Variants in SLC16A3 observed in about 807,000 individuals in gnomAD.
SLC16A3 encodes the protein monocarboxylate transporter 4.
A neutral mutation model predicts 25.0 loss-of-function variants in SLC16A3; 22 were observed. That is an observed-to-expected ratio of 0.88 (90% CI 0.63 to 1.26). The LOEUF (loss-of-function observed/expected upper bound fraction) is 1.26, where lower values mean the gene tolerates loss of function less well. Among genes scored for constraint, SLC16A3 ranks in the 50% most tolerant of loss-of-function variants. SLC16A3 has a pLI of 0.00. For synonymous variants in SLC16A3, 390 were observed against 309.2 expected (o/e 1.26, Z -2.74); for missense variants, 731 against 666.6 (o/e 1.10, Z -1.06).
At chr17:82,227,502 A>G (rs2050430818), upstream of SLC16A3, among the ~76,000 whole-genome samples, 1 of 152,038 alleles carries the variant, frequency 6.6e-6, no homozygotes, top group Non-Finnish European at 1.5e-5. Context: ...GCAGCTGTCC[A>G]CGGTGCCTCG....
rs146346505 is a variant in SLC16A3, at chr17:82,236,132, G to A, written c.124G>A (p.Val42Ile). ...TGFSYAFPKA[V>I]SVFFKELIQE... ...CTTCTCCTACGCCTTCCCCAAGGCCGTCAGTGTCTTCTTCAAGGAGCTCAT... is the reference window on the plus strand; with the variant it reads ...CTTCTCCTACGCCTTCCCCAAGGCCATCAGTGTCTTCTTCAAGGAGCTCAT... Residue 42 changes from valine (V) to isoleucine (I), a missense_variant, in exon 2 of 5, where the codon GTC becomes ATC. By Grantham distance (29) the Val-to-Ile change is conservative (BLOSUM62 3). Transcript: ENST00000582743. 5.0e-4 allele frequency: 806 copies of A among 1,613,258 alleles called. 2 individuals are homozygous for A. The African/African-American group carries it at 9.3e-3, about 19-fold the overall frequency.
intron 2 of SLC16A3, 27 bp downstream of exon 2, chr17:82,236,258 CT>C: frequency 6.3e-7 from 1 of 1,595,844 alleles, no homozygotes; most frequent in Non-Finnish European, 8.6e-7. Context: ...ACCGGGCCCC[CT>C]GTCCGGGGCT....
At position 82,237,791 on chromosome 17, in the gene SLC16A3, G is replaced by A. The variant is rs969138442; in HGVS notation, c.1021G>A (p.Glu341Lys). Reference protein sequence around the residue: ...SYGMVGALQFEVLMAIVGTHK... With the variant: ...SYGMVGALQFKVLMAIVGTHK... ...CGGCATGGTGGGGGCCCTGCAGTTCGAGGTGCTCATGGCCATCGTGGGCAC... is the reference window on the plus strand; with the variant it reads ...CGGCATGGTGGGGGCCCTGCAGTTCAAGGTGCTCATGGCCATCGTGGGCAC... Residue 341 changes from glutamate to lysine, a missense_variant, in exon 4 of 5, where the codon GAG (glutamate) becomes AAG (lysine). Physicochemically the swap from Glu to Lys is moderately conservative, Grantham distance 56 (BLOSUM62 1). Coordinates refer to ENST00000582743, the MANE Select transcript of SLC16A3 (RefSeq NM_004207.4). The A allele has an allele frequency of 6.8e-6, 11 of 1,611,256 alleles. No individual in the cohort carries two copies. The highest frequency in any genetic ancestry group is 2.7e-5 in the African/African-American group (2 of 74,924).
In SLC16A3 at chr17:82,239,022, G is replaced by A. The variant is rs376313745; in HGVS notation, c.*46G>A. The stretch of plus-strand genomic sequence containing the variant: ...GGCACAGGGAGGAGGTACAGAAGCC[G>A]GCAACGCTTGCTATTTATTTTACAA... On this transcript the variant is annotated 3_prime_UTR_variant, in exon 5 of 5. Transcript: ENST00000582743. 2.4e-5 allele frequency: 36 copies of A among 1,477,354 alleles called. No homozygotes were observed. The highest frequency in any genetic ancestry group is 1.4e-4 in the East Asian group (6 of 42,380). 91.5% of individuals were successfully genotyped at this position (1,477,354 alleles called of 1,614,324 possible). A position where few individuals can be genotyped will look rare whatever the true frequency, so the allele number is the denominator to read the frequency against.
chr17:82,237,207 C>G lies in SLC16A3; in HGVS notation c.437C>G (p.Pro146Arg). The change falls in exon 4 of 5, where the codon CCC becomes CGC. Residue 146 changes from proline (P) to arginine (R), a missense_variant. Transcript: ENST00000582743. ...MLNRYFSKRRPMANGLAAAGS... is the reference protein window; with the variant it reads ...MLNRYFSKRRRMANGLAAAGS... Reference sequence around the variant, plus strand: ...AACCGCTACTTCAGCAAGCGGCGCCCCATGGCCAACGGGCTGGCGGCAGCA... The same window carrying G: ...AACCGCTACTTCAGCAAGCGGCGCCGCATGGCCAACGGGCTGGCGGCAGCA... The G allele has an allele frequency of 1.3e-6, 2 of 1,539,054 alleles. No homozygotes were observed. Among genetic ancestry groups the G allele is most frequent in the Non-Finnish European group, 1.8e-6 (2 of 1,142,778 alleles).
chr17:82,235,245 A>C (rs1269278468), intron 1 of SLC16A3: 1 of 149,132 alleles, frequency 6.7e-6, no homozygotes, highest in Non-Finnish European at 1.5e-5. Flanking sequence ...TCAAGATCTC[A>C]CTGGAGGAGT....
Position 82,237,353 on chromosome 17 carries a change from G to A in SLC16A3, c.583G>A (p.Ala195Thr), listed in dbSNP as rs530738373. 21 of 1,538,366 alleles carry A rather than the reference G, an allele frequency of 1.4e-5. No individual in the cohort carries two copies. The highest frequency in any genetic ancestry group is 1.8e-4 in the Middle Eastern group (1 of 5,650). ...GLLLNCCVCA[A>T]LMRPLVVTAQ... Reference sequence around the variant, plus strand: ...GCTGCTCAACTGCTGCGTGTGTGCCGCACTCATGAGGCCCCTGGTGGTCAC... The same window carrying A: ...GCTGCTCAACTGCTGCGTGTGTGCCACACTCATGAGGCCCCTGGTGGTCAC... Residue 195 changes from alanine to threonine, a missense_variant, in exon 4 of 5, where the codon GCA becomes ACA. Coordinates refer to ENST00000582743, the MANE Select transcript of SLC16A3 (RefSeq NM_004207.4).
chr17:82,220,522 G>A (rs1196000350), intron 1 of SLC16A3, among the ~76,000 whole-genome samples: 1 of 152,196 alleles, frequency 6.6e-6, no homozygotes, highest in East Asian at 1.9e-4. Flanking sequence ...TGCAATCCCA[G>A]CACTTTGGGA....
At chr17:82,222,103 G>A (rs868568788) in intron 1 of SLC16A3, among the ~76,000 whole-genome samples, 2 of 148,538 alleles carry the variant, frequency 1.3e-5, no homozygotes, top group African/African-American at 5.0e-5. Flanking sequence ...TCCCACGTTC[G>A]TGGAGAGGAG....
chr17:82,237,011 C>T (rs1432797017), intron 3 of SLC16A3, 127 bp from the exon 4 acceptor site: 17 of 1,453,388 alleles, frequency 1.2e-5, no homozygotes, highest in East Asian at 4.9e-5. Context: ...GTCCCCCTCT[C>T]GAGTGGGTGG....
chr17:82,237,170 C>A lies in SLC16A3; in HGVS notation c.400C>A (p.Leu134Ile). Residue 134 changes from leucine (L) to isoleucine (I), a missense_variant, in exon 4 of 5, where the codon CTC becomes ATC. Coordinates refer to ENST00000582743, the MANE Select transcript of SLC16A3 (RefSeq NM_004207.4). ...LGLALNFQPS[L>I]IMLNRYFSKR... is the part of the protein sequence containing the mutation. ...TTTGGCACTCAACTTCCAGCCCTCG[C>A]TCATCATGCTGAACCGCTACTTCAG... 6.6e-7 allele frequency: 1 copy of A among 1,514,618 alleles called. No homozygotes were observed. The highest frequency in any genetic ancestry group is 2.4e-5 in the East Asian group (1 of 42,068). The allele number at this position is 1,514,618 out of a possible 1,614,324, so 93.8% of individuals were successfully genotyped here.
At chr17:82,229,032 G>A (rs1276536285), upstream of SLC16A3, 1 of 138,490 alleles carries the variant, frequency 7.2e-6, no homozygotes, top group Non-Finnish European at 1.5e-5. Context: ...CCCCCGGCGC[G>A]GAGCGGACCG....
intron 1 of SLC16A3, 160 bp downstream of exon 1, chr17:82,229,266 G>A (rs1023759538): frequency 1.3e-5 from 2 of 152,106 alleles, no homozygotes; most frequent in Non-Finnish European, 2.9e-5. Context: ...TCTCGACCCC[G>A]AGCGGGCCCC....
intron 1 of SLC16A3, 183 bp downstream of exon 1, chr17:82,229,289 C>T (rs1174773717): frequency 1.3e-5 from 2 of 152,096 alleles, no homozygotes; most frequent in Admixed American, 6.5e-5. Context: ...CGAGGGCTCC[C>T]GAGAGCCAGC....
rs1480281844 is a variant in SLC16A3, at chr17:82,237,132, C to T, written c.368-6C>T. The T allele has an allele frequency of 1.1e-5, 16 of 1,499,756 alleles. No individual in the cohort carries two copies. The highest frequency in any genetic ancestry group is 1.4e-5 in the Non-Finnish European group (16 of 1,122,630). 92.9% of individuals were successfully genotyped at this position (1,499,756 alleles called of 1,614,324 possible). A position where few individuals can be genotyped will look rare whatever the true frequency, so the allele number is the denominator to read the frequency against. On this transcript the variant is annotated splice_polypyrimidine_tract_variant and splice_region_variant and intron_variant, in intron 3 of 4. Coordinates refer to ENST00000582743, the MANE Select transcript of SLC16A3 (RefSeq NM_004207.4). ...GGGGGCTCTCACCACATTCCCTTTC[C>T]TCCAGGGTTGGGTTTGGCACTCAAC... is the stretch of plus-strand genomic sequence containing the variant.
Position 82,232,919 on chromosome 17 carries a change from G to GGGGGT in SLC16A3, c.-26-3060_-26-3059insTGGGG, listed in dbSNP as rs1555787464. ...GTTGGCATGCTTCCTGGGGGGCGGC[G>GGGGGT]GGGGGGGGGTTGGTAAATGTCAGGG... On this transcript the variant is annotated intron_variant, in intron 1 of 4. Transcript: ENST00000582743. 4.5e-5 allele frequency among the ~76,000 whole-genome samples: 2 copies of GGGGGT among 44,306 alleles called. 1 individual carries two copies. The highest frequency in any genetic ancestry group is 5.4e-3 in the East Asian group (2 of 368). 29.1% of individuals were successfully genotyped at this position (44,306 alleles called of 152,430 possible). A position where few individuals can be genotyped will look rare whatever the true frequency, so the allele number is the denominator to read the frequency against.
At chr17:82,219,383 G>A (rs2050374940) in intron 1 of SLC16A3, among the ~76,000 whole-genome samples, 1 of 152,082 alleles carries the variant, frequency 6.6e-6, no homozygotes, top group African/African-American at 2.4e-5. Context: ...TCTGTGCGGT[G>A]AGGGTGACAC....
chr17:82,224,564 T>G (rs1399283028), upstream of SLC16A3, among the ~76,000 whole-genome samples: 1 of 24,986 alleles, frequency 4.0e-5, no homozygotes, highest in Non-Finnish European at 6.1e-5. Flanking sequence ...GACACACCCC[T>G]ACACCTTGCA....
intron 1 of SLC16A3, among the ~76,000 whole-genome samples, chr17:82,221,098 T>A (rs1289034434): frequency 6.6e-6 from 1 of 151,868 alleles, no homozygotes; most frequent in Non-Finnish European, 1.5e-5. Context: ...GGATTACAGG[T>A]GTGAGCCACT....
Sources: gnomAD v4.1 joint callset for allele counts (sites outside exome capture counted in the v4.1 genomes callset) on GRCh38, gnomAD v4.1.1 for gene constraint, MANE v1.5 for transcripts, NCBI Gene and HGNC (gene_info 2026-07-23, HGNC 2026-07-21) for gene names.